Variants in DCP1B observed in about 807,000 individuals in gnomAD.
DCP1B encodes the protein decapping mRNA 1B, also known as mRNA-decapping enzyme 1B.
A neutral mutation model predicts 60.5 loss-of-function variants in DCP1B; 47 were observed. That is an observed-to-expected ratio of 0.78 (90% CI 0.61 to 0.99). The LOEUF (loss-of-function observed/expected upper bound fraction) is 0.99, where lower values mean the gene tolerates loss of function less well. DCP1B is among the 50% of genes least tolerant of loss of function. The pLI is 0.00. For missense variants in DCP1B, 725 were observed against 756.8 expected (o/e 0.96, Z 0.49); for synonymous variants, 267 against 280.3 (o/e 0.95, Z 0.47).
At chr12:1,984,205 T>C (rs928770558) in intron 3 of DCP1B, among the ~76,000 whole-genome samples, 7 of 152,112 alleles carry the variant, frequency 4.6e-5, no homozygotes, top group African/African-American at 1.4e-4. Flanking sequence ...TTAATCACTA[T>C]GTTAGCCCAT....
At chr12:1,950,266 G>C (rs1391464288) in intron 7 of DCP1B, 2 of 690,918 alleles carry the variant, frequency 2.9e-6, no homozygotes, top group African/African-American at 1.8e-5. Flanking sequence ...ATGACATTTC[G>C]AGGAGCGGTG....
At chr12:1,970,068 T>C (rs1358400962) in intron 3 of DCP1B, among the ~76,000 whole-genome samples, 1 of 152,206 alleles carries the variant, frequency 6.6e-6, no homozygotes, top group Non-Finnish European at 1.5e-5. Flanking sequence ...TTTGATGTTA[T>C]ACATTTGCGG....
In DCP1B at chr12:1,948,166, C is replaced by A. The variant is rs540066317; in HGVS notation, c.1773+920G>T. ...GGGGTGTCTGAAGTCTGTCTGGCTA[C>A]AAATGTTCCACTTTTCAAGGACTGC... On this transcript the variant is annotated intron_variant, in intron 8 of 8. Transcript: ENST00000280665. The surrounding 1 kb of genome is among the most constrained non-coding windows in gnomAD (Gnocchi z 4.8). Among the ~76,000 whole-genome samples, 1 of 152,362 alleles carries A rather than the reference C, an allele frequency of 6.6e-6. No homozygotes were observed. The highest frequency in any genetic ancestry group is 1.9e-4 in the East Asian group (1 of 5,190).
At chr12:1,946,686 G>A (rs528370542) in intron 8 of DCP1B, among the ~76,000 whole-genome samples, 3 of 152,264 alleles carry the variant, frequency 2.0e-5, no homozygotes, top group African/African-American at 7.2e-5. Context: ...TTGCTGTGGT[G>A]TGTTTTTTTG....
At chr12:1,991,371 ACAGTGC>A in intron 3 of DCP1B, 1 of 387,028 alleles carries the variant, frequency 2.6e-6, no homozygotes, top group South Asian at 2.0e-5. Flanking sequence ...TTAAAATAGA[ACAGTGC>A]CATTCAATAG....
At chr12:1,986,555 C>T (rs1305895717) in intron 3 of DCP1B, among the ~76,000 whole-genome samples, 13 of 152,134 alleles carry the variant, frequency 8.5e-5, no homozygotes, top group Admixed American at 8.5e-4. Context: ...ACCACAGTGG[C>T]AGTTCAGCTT....
chr12:1,967,716 C>T (rs1333675141), intron 4 of DCP1B, 128 bp downstream of exon 4: 2 of 733,468 alleles, frequency 2.7e-6, no homozygotes, highest in African/African-American at 1.8e-5. Flanking sequence ...TACTAAATGT[C>T]TGCCTAACCA....
At chr12:1,942,066 A>G (rs2030293425), downstream of DCP1B, among the ~76,000 whole-genome samples, 1 of 152,258 alleles carries the variant, frequency 6.6e-6, no homozygotes, top group Non-Finnish European at 1.5e-5. Flanking sequence ...AAAGACACAC[A>G]TAGGCTCAAA....
intron 4 of DCP1B, among the ~76,000 whole-genome samples, 171 bp from the exon 5 acceptor site, chr12:1,965,864 T>G (rs962086511): frequency 1.3e-5 from 2 of 152,224 alleles, no homozygotes; most frequent in African/African-American, 4.8e-5. Context: ...CTGAATTCAC[T>G]GACTACACAA....
chr12:1,988,531 T>C (rs2038455366), intron 3 of DCP1B, among the ~76,000 whole-genome samples: 1 of 152,186 alleles, frequency 6.6e-6, no homozygotes, highest in Non-Finnish European at 1.5e-5. Flanking sequence ...AACGCTCATG[T>C]TTGTGAACAA....
chr12:1,991,461 TTAA>T (rs2039398330), intron 3 of DCP1B: 1 of 236,056 alleles, frequency 4.2e-6, no homozygotes, highest in African/African-American at 2.3e-5. Context: ...GCAAGTGAAA[TTAA>T]TAATATATTT....
At position 1,977,823 on chromosome 12, in the gene DCP1B, G is replaced by T. The variant is rs561296480; in HGVS notation, c.320-9913C>A. ...GTTCTCTAAATTTGACTTTCTTACTGCTATTATTTACTATGGGTATATACA... is the reference window on the plus strand; with the variant it reads ...GTTCTCTAAATTTGACTTTCTTACTTCTATTATTTACTATGGGTATATACA... On this transcript the variant is annotated intron_variant, in intron 3 of 8. Transcript: ENST00000280665. 2.0e-4 allele frequency among the ~76,000 whole-genome samples: 30 copies of T among 152,184 alleles called. 1 individual carries two copies. Among genetic ancestry groups the T allele is most frequent in the Admixed American group, 1.7e-3 (26 of 15,290 alleles).
At chr12:1,983,346 A>C (rs767379864) in intron 3 of DCP1B, among the ~76,000 whole-genome samples, 30 of 151,900 alleles carry the variant, frequency 2.0e-4, no homozygotes, top group Non-Finnish European at 2.9e-4. Context: ...CTGACTTAAG[A>C]ACTTTCTTCT....
intron 3 of DCP1B, among the ~76,000 whole-genome samples, chr12:1,989,346 A>AGAGCAG (rs370112885): frequency 1.4e-4 from 22 of 152,262 alleles, no homozygotes; most frequent in South Asian, 8.3e-4. Flanking sequence ...TCTAAAGAGC[A>AGAGCAG]GAGCAGGAGC....
At chr12:1,987,018 G>A (rs2037997319) in intron 3 of DCP1B, among the ~76,000 whole-genome samples, 1 of 152,158 alleles carries the variant, frequency 6.6e-6, no homozygotes, top group Admixed American at 6.5e-5. Context: ...ATAGAACGAA[G>A]GAGAGAAGCT....
intron 8 of DCP1B, 128 bp from the exon 9 acceptor site, chr12:1,946,414 T>C: frequency 1.5e-6 from 1 of 645,728 alleles, no homozygotes; most frequent in South Asian, 2.7e-5. Flanking sequence ...TAACAGCTGG[T>C]GGTTTTTAAT....
chr12:1,998,781 G>T (rs1157812971), intron 1 of DCP1B, among the ~76,000 whole-genome samples: 1 of 152,088 alleles, frequency 6.6e-6, no homozygotes, highest in Non-Finnish European at 1.5e-5. Context: ...GACTAACCAC[G>T]AACCAGACCT....
rs2030564835 is a variant in DCP1B at position 1,949,250 on chromosome 12, G to C, written c.1609C>G (p.Pro537Ala). 1 of 1,614,024 alleles carries C rather than the reference G, an allele frequency of 6.2e-7. No homozygotes were observed. Among genetic ancestry groups the C allele is most frequent in the African/African-American group, 1.3e-5 (1 of 74,916 alleles). Reference sequence around the variant, plus strand: ...AGGCCGCTCTCCCTTTCCTTTGGCGGGACGGAGGTGGGTTGTGCGAACACC... The same window carrying C: ...AGGCCGCTCTCCCTTTCCTTTGGCGCGACGGAGGTGGGTTGTGCGAACACC... ...PMVFAQPTSV[P>A]PKERESGLLP... Residue 537 changes from proline (P) to alanine (A), a missense_variant, in exon 8 of 9, where the codon CCG (proline) becomes GCG (alanine). Physicochemically the swap from Pro to Ala is conservative, Grantham distance 27 (BLOSUM62 -1). Coordinates refer to ENST00000280665, the MANE Select transcript of DCP1B (RefSeq NM_152640.5).
At chr12:1,998,891 AT>A (rs1331908552) in intron 1 of DCP1B, among the ~76,000 whole-genome samples, 1 of 152,232 alleles carries the variant, frequency 6.6e-6, no homozygotes, top group Non-Finnish European at 1.5e-5. Flanking sequence ...ATTCATCACC[AT>A]AATCATTCAA....
Sources: allele counts gnomAD v4.1 joint callset (sites outside exome capture counted in the v4.1 genomes callset), GRCh38; gene constraint gnomAD v4.1.1; non-coding constraint Gnocchi (gnomAD v3.1); transcripts MANE v1.5; gene names NCBI Gene and HGNC (gene_info 2026-07-23, HGNC 2026-07-21).